The following RBPJ variants were observed in gnomAD, a reference collection of about 807,000 sequenced individuals.
RBPJ encodes the protein recombination signal binding protein for immunoglobulin kappa J region, also known as recombining binding protein suppressor of hairless.
Under a neutral mutation model 67.8 loss-of-function variants are expected in RBPJ, and 9 were observed. That is an observed-to-expected ratio of 0.13 (90% CI 0.08 to 0.23). The LOEUF is 0.23. Among genes scored for constraint, RBPJ ranks in the 10% least tolerant of loss-of-function variants. The pLI, the probability that RBPJ is intolerant of heterozygous loss-of-function variation, is 1.00. For synonymous variants in RBPJ, 198 were observed against 203.3 expected, an observed-to-expected ratio of 0.97 and a Z score of 0.22; for missense variants, 305 against 595.6, an observed-to-expected ratio of 0.51 and a Z score of 5.08.
intron 2 of RBPJ, among the ~76,000 whole-genome samples, chr4:26,397,158 G>T (rs945563926): frequency 3.9e-5 from 6 of 152,166 alleles, no homozygotes; most frequent in African/African-American, 1.4e-4. Context: ...TATTTTATCT[G>T]ATTTCACTGA....
At chr4:26,218,150 G>T (rs1165438947) in intron 1 of RBPJ, among the ~76,000 whole-genome samples, 1 of 152,152 alleles carries the variant, frequency 6.6e-6, no homozygotes, top group African/African-American at 2.4e-5. Context: ...TTTTGTCTTT[G>T]TTCATGTGAG....
At chr4:26,358,610 CA>C (rs771623602) in intron 1 of RBPJ, among the ~76,000 whole-genome samples, 1,468 of 43,152 alleles carry the variant, frequency 0.034, 5 homozygotes, top group Middle Eastern at 0.054. Flanking sequence ...CCCATCTCTG[CA>C]AAAAAAAAAA....
At chr4:26,142,522 G>A in the RBPJ span, among the ~76,000 whole-genome samples, 1 of 152,210 alleles carries the variant, frequency 6.6e-6, no homozygotes. Context: ...GCTCTTGGAT[G>A]GGGAAGAGCT....
chr4:26,263,691 C>A (rs1720615529), intron 1 of RBPJ, among the ~76,000 whole-genome samples: 1 of 152,104 alleles, frequency 6.6e-6, no homozygotes, highest in Non-Finnish European at 1.5e-5. Flanking sequence ...CCTGCCTCAG[C>A]CTCCTGAGTA....
intron 4 of RBPJ, among the ~76,000 whole-genome samples, chr4:26,418,895 G>C: frequency 6.6e-6 from 1 of 152,180 alleles, no homozygotes; most frequent in East Asian, 1.9e-4. Context: ...GGGTATAGCA[G>C]CTCACAGATG....
At chr4:26,221,504 G>A (rs1483586675) in intron 1 of RBPJ, among the ~76,000 whole-genome samples, 1 of 152,210 alleles carries the variant, frequency 6.6e-6, no homozygotes, top group African/African-American at 2.4e-5. Flanking sequence ...AGTGCAGAAA[G>A]GCTATAATGA....
At chr4:26,156,798 AG>A in the RBPJ span, among the ~76,000 whole-genome samples, 6 of 152,120 alleles carry the variant, frequency 3.9e-5, no homozygotes, top group African/African-American at 1.4e-4. Flanking sequence ...GGCCAGGCAC[AG>A]TGGCTCATGC....
At chr4:26,144,560 G>C in the RBPJ span, among the ~76,000 whole-genome samples, 4 of 152,070 alleles carry the variant, frequency 2.6e-5, no homozygotes, top group African/African-American at 9.7e-5. Flanking sequence ...GTGAGTCACT[G>C]CACCCAGCCT....
intron 5 of RBPJ, among the ~76,000 whole-genome samples, chr4:26,423,126 G>A (rs1166915129): frequency 6.6e-6 from 1 of 152,190 alleles, no homozygotes; most frequent in Non-Finnish European, 1.5e-5. Context: ...AAGAAATAGA[G>A]CGTGGGCCTA....
chr4:26,402,884 G>C (rs2109728208), intron 2 of RBPJ, among the ~76,000 whole-genome samples: 1 of 152,122 alleles, frequency 6.6e-6, no homozygotes, highest in South Asian at 2.1e-4. Flanking sequence ...GAGGTCCCAG[G>C]GGCACTTCAG....
At chr4:26,199,001 T>C (rs1577463687) in intron 1 of RBPJ, among the ~76,000 whole-genome samples, 1 of 152,036 alleles carries the variant, frequency 6.6e-6, no homozygotes, top group Admixed American at 6.6e-5. Flanking sequence ...TACATTGCGA[T>C]GCAACCATCA....
chr4:26,147,336 T>C, the RBPJ span, among the ~76,000 whole-genome samples: 1 of 152,228 alleles, frequency 6.6e-6, no homozygotes, highest in Non-Finnish European at 1.5e-5. Flanking sequence ...CTGCTACTGA[T>C]GCCCTGTTGC....
At chr4:26,369,479 T>G (rs1728946802) in intron 1 of RBPJ, among the ~76,000 whole-genome samples, 1 of 152,210 alleles carries the variant, frequency 6.6e-6, no homozygotes, top group African/African-American at 2.4e-5. Context: ...AGTGTTGGGA[T>G]TTTTTCTTTG....
the RBPJ span, among the ~76,000 whole-genome samples, chr4:26,109,953 C>T: frequency 2.6e-5 from 4 of 151,886 alleles, no homozygotes; most frequent in East Asian, 7.7e-4. Flanking sequence ...GGGATGAAAC[C>T]TTAAGTGAGA....
At chr4:26,153,284 A>T in the RBPJ span, among the ~76,000 whole-genome samples, 1 of 152,230 alleles carries the variant, frequency 6.6e-6, no homozygotes, top group Non-Finnish European at 1.5e-5. Context: ...CATAAGTGTG[A>T]ATTTTAAGGT....
intron 1 of RBPJ, among the ~76,000 whole-genome samples, chr4:26,239,971 G>T (rs1017319347): frequency 6.6e-6 from 1 of 152,096 alleles, no homozygotes; most frequent in Non-Finnish European, 1.5e-5. Flanking sequence ...AAGAAAATAA[G>T]ATCCTGTTAG....
intron 1 of RBPJ, among the ~76,000 whole-genome samples, chr4:26,196,917 C>A (rs140705401): frequency 2.4e-4 from 36 of 152,200 alleles, no homozygotes; most frequent in African/African-American, 7.9e-4. Flanking sequence ...AATGTTCAAG[C>A]GGATTTCCTT....
At chr4:26,149,834 T>C in the RBPJ span, among the ~76,000 whole-genome samples, 1 of 152,238 alleles carries the variant, frequency 6.6e-6, no homozygotes, top group Admixed American at 6.5e-5. Context: ...GCCACACTGG[T>C]GGCCAATTCT....
Position 26,223,079 on chromosome 4 carries a change from C to T in RBPJ, c.-167+59465C>T, listed in dbSNP as rs538405137. Among the ~76,000 whole-genome samples, 18 of 149,162 alleles carry T rather than the reference C, an allele frequency of 1.2e-4. No homozygotes were observed. The East Asian group carries it at 3.4e-3, about 28-fold the overall frequency. On this transcript the variant is annotated intron_variant, in intron 1 of 4. Transcript: ENST00000512351. Reference sequence around the variant, plus strand: ...CTGAGGCAGGAGAATCGTGTGAACCCGGGAGGCAGAGGTTGCAGTGAGCCA... The same window carrying T: ...CTGAGGCAGGAGAATCGTGTGAACCTGGGAGGCAGAGGTTGCAGTGAGCCA...
Sources: gnomAD v4.1 joint callset for allele counts (sites outside exome capture counted in the v4.1 genomes callset) on GRCh38, gnomAD v4.1.1 for gene constraint, MANE v1.5 for transcripts, NCBI Gene and HGNC (gene_info 2026-07-23, HGNC 2026-07-21) for gene names.